GPC6: variants seen among roughly 807,000 people sequenced by gnomAD.
GPC6 encodes glypican-6.
In GPC6, 14 loss-of-function variants were observed where a neutral mutation model predicts 55.2. The observed-to-expected ratio is 0.25, with a 90% CI of 0.17 to 0.40. GPC6 has a LOEUF of 0.40. Among genes scored for constraint, GPC6 ranks in the 10% least tolerant of loss-of-function variants. The pLI, the probability that GPC6 is intolerant of heterozygous loss-of-function variation, is 1.00. For missense variants in GPC6, 641 were observed against 708.5 expected (o/e 0.90, Z 1.08); for synonymous variants, 278 against 259.6 (o/e 1.07, Z -0.68).
intron 2 of GPC6, among the ~76,000 whole-genome samples, chr13:93,663,531 A>T (rs2139616381): frequency 6.6e-6 from 1 of 152,324 alleles, no homozygotes; most frequent in Non-Finnish European, 1.5e-5. Context: ...TCTAAGACAG[A>T]TCCGTCTCTG....
At chr13:93,382,042 G>A (rs1875197376) in intron 1 of GPC6, among the ~76,000 whole-genome samples, 1 of 151,964 alleles carries the variant, frequency 6.6e-6, no homozygotes, top group South Asian at 2.1e-4. Context: ...TAAATATACA[G>A]ATATTTTGAG....
intron 4 of GPC6, among the ~76,000 whole-genome samples, chr13:94,103,096 C>T (rs1308505218): frequency 6.6e-6 from 1 of 152,104 alleles, no homozygotes; most frequent in African/African-American, 2.4e-5. Context: ...TCTAAGTGTT[C>T]TCATTGTTCA....
At chr13:93,620,131 G>A (rs1035380576) in intron 2 of GPC6, among the ~76,000 whole-genome samples, 1 of 152,072 alleles carries the variant, frequency 6.6e-6, no homozygotes, top group Admixed American at 6.6e-5. Context: ...ACTTTATATT[G>A]TTTTTGGATT....
chr13:94,134,647 T>G (rs190271648), intron 4 of GPC6, among the ~76,000 whole-genome samples: 1 of 152,192 alleles, frequency 6.6e-6, no homozygotes, highest in African/African-American at 2.4e-5. Flanking sequence ...AATTATGGAA[T>G]GTGTTAAATA....
intron 3 of GPC6, among the ~76,000 whole-genome samples, chr13:93,995,984 T>C (rs1040500272): frequency 3.3e-5 from 5 of 152,214 alleles, no homozygotes; most frequent in Non-Finnish European, 7.3e-5. Flanking sequence ...AAAACTTACA[T>C]TGTTTCCAGA....
chr13:93,837,257 C>T (rs1887772151), intron 3 of GPC6, among the ~76,000 whole-genome samples: 1 of 152,170 alleles, frequency 6.6e-6, no homozygotes, highest in South Asian at 2.1e-4. Context: ...GTTAAAACAA[C>T]CACCTGTCTC....
chr13:94,273,099 T>C lies in GPC6; in HGVS notation c.878-13250T>C, dbSNP rs146905105. Reference sequence around the variant, plus strand: ...ACAATCTTAATACAATAAGCATTTATTGTGCTGCCTGCCTGGTGTTGCATT... The same window carrying C: ...ACAATCTTAATACAATAAGCATTTACTGTGCTGCCTGCCTGGTGTTGCATT... On this transcript the variant is annotated intron_variant, in intron 4 of 8. Coordinates refer to ENST00000377047, the MANE Select transcript of GPC6 (RefSeq NM_005708.5). Among the ~76,000 whole-genome samples the C allele has an allele frequency of 3.3e-5, 5 of 152,344 alleles. No homozygotes were observed. The East Asian group carries it at 7.7e-4, about 24-fold the overall frequency.
At chr13:94,084,179 T>A (rs890302988) in intron 4 of GPC6, among the ~76,000 whole-genome samples, 3 of 152,224 alleles carry the variant, frequency 2.0e-5, no homozygotes, top group Non-Finnish European at 4.4e-5. Context: ...CGAAATGTTC[T>A]GTGGACATTT....
chr13:93,566,083 T>C (rs1876098623), intron 2 of GPC6, among the ~76,000 whole-genome samples: 1 of 152,196 alleles, frequency 6.6e-6, no homozygotes, highest in Admixed American at 6.5e-5. Context: ...AAACTGATAG[T>C]AAGCAACTCC....
intron 3 of GPC6, among the ~76,000 whole-genome samples, chr13:93,929,313 T>C (rs1878031865): frequency 6.6e-6 from 1 of 152,200 alleles, no homozygotes; most frequent in Admixed American, 6.5e-5. Context: ...GTATTTATCT[T>C]CCACCTTTTC....
At chr13:93,507,705 A>T (rs775492038) in intron 1 of GPC6, among the ~76,000 whole-genome samples, 1 of 152,152 alleles carries the variant, frequency 6.6e-6, no homozygotes, top group Non-Finnish European at 1.5e-5. Context: ...AAAATTCTCA[A>T]AAAATTACTT....
At chr13:93,435,818 A>G (rs971530888) in intron 1 of GPC6, among the ~76,000 whole-genome samples, 5 of 152,198 alleles carry the variant, frequency 3.3e-5, no homozygotes, top group African/African-American at 1.2e-4. Flanking sequence ...CAGCTGACTC[A>G]TTCTTGGATG....
At chr13:94,151,488 T>C (rs1887738572) in intron 4 of GPC6, among the ~76,000 whole-genome samples, 1 of 152,148 alleles carries the variant, frequency 6.6e-6, no homozygotes, top group Non-Finnish European at 1.5e-5. Flanking sequence ...GAAGCTGACA[T>C]GCGAAGGGCC....
At chr13:94,103,437 T>C (rs1188507851) in intron 4 of GPC6, among the ~76,000 whole-genome samples, 3 of 152,190 alleles carry the variant, frequency 2.0e-5, no homozygotes, top group East Asian at 3.9e-4. Flanking sequence ...GTATTTCTAG[T>C]TCTAGATCCT....
At chr13:94,341,287 A>C (rs921148420) in intron 6 of GPC6, among the ~76,000 whole-genome samples, 3 of 152,114 alleles carry the variant, frequency 2.0e-5, no homozygotes, top group Non-Finnish European at 2.9e-5. Context: ...ATATCATGTT[A>C]AAGATTGTTA....
intron 2 of GPC6, among the ~76,000 whole-genome samples, chr13:93,728,663 T>C (rs957038045): frequency 2.0e-5 from 3 of 151,714 alleles, no homozygotes; most frequent in Non-Finnish European, 4.4e-5. Flanking sequence ...ACCTCCTGGG[T>C]TGAAGTCATT....
intron 1 of GPC6, among the ~76,000 whole-genome samples, chr13:93,237,557 G>A (rs1040763512): frequency 1.3e-5 from 2 of 152,084 alleles, no homozygotes; most frequent in Admixed American, 6.6e-5. Flanking sequence ...CTATGCAGAA[G>A]CTTGCTAGAT....
chr13:93,554,047 C>T (rs1039880407), intron 2 of GPC6, among the ~76,000 whole-genome samples: 7 of 150,946 alleles, frequency 4.6e-5, no homozygotes, highest in African/African-American at 1.7e-4. Context: ...ACTCAGGAGG[C>T]TGAGGCACAA....
At chr13:93,352,158 A>G (rs1880653508) in intron 1 of GPC6, among the ~76,000 whole-genome samples, 1 of 152,196 alleles carries the variant, frequency 6.6e-6, no homozygotes, top group South Asian at 2.1e-4. Flanking sequence ...AGTAGATAGA[A>G]GTGATGGTTG....
Sources: allele counts gnomAD v4.1 joint callset (sites outside exome capture counted in the v4.1 genomes callset), GRCh38; gene constraint gnomAD v4.1.1; transcripts MANE v1.5; gene names NCBI Gene and HGNC (gene_info 2026-07-23, HGNC 2026-07-21).